NTAN1: variants seen among roughly 807,000 people sequenced by gnomAD.
The protein encoded by NTAN1 is protein N-terminal asparagine amidohydrolase.
Under a neutral mutation model 41.9 loss-of-function variants are expected in NTAN1, and 32 were observed. The ratio of observed to expected loss-of-function variants is 0.76; its 90% CI spans 0.58 to 1.03. The LOEUF (loss-of-function observed/expected upper bound fraction) is 1.03, where lower values mean the gene tolerates loss of function less well. Ranked by LOEUF, NTAN1 falls within the 50% of genes least tolerant of loss-of-function variation. The pLI is 0.00. For missense variants in NTAN1, 377 were observed against 377.5 expected (o/e 1.00, Z 0.01); for synonymous variants, 140 against 139.5 (o/e 1.00, Z -0.03).
intron 1 of NTAN1, 71 bp downstream of exon 1, chr16:15,055,820 A>AG: frequency 3.7e-6 from 3 of 818,378 alleles, no homozygotes; most frequent in South Asian, 6.1e-5. Flanking sequence ...GTGTCGCGTG[A>AG]GGGGGGCGCT....
chr16:15,047,277 C>T, intron 4 of NTAN1, 165 bp downstream of exon 4: 1 of 612,236 alleles, frequency 1.6e-6, no homozygotes, highest in South Asian at 2.0e-5. Flanking sequence ...ATTCACTCAA[C>T]CACTGCTGAC....
At chr16:15,046,281 G>T (rs1458726828) in intron 4 of NTAN1, among the ~76,000 whole-genome samples, 1 of 152,172 alleles carries the variant, frequency 6.6e-6, no homozygotes, top group East Asian at 1.9e-4. Context: ...TAGACTCCTA[G>T]GATTAAGCCT....
At chr16:15,050,605 G>A (rs1402660198) in intron 1 of NTAN1, among the ~76,000 whole-genome samples, 2 of 152,020 alleles carry the variant, frequency 1.3e-5, no homozygotes, top group Admixed American at 6.6e-5. Context: ...GGTGGCATGT[G>A]CCTGTAGTCC....
chr16:15,048,342 C>T (rs569772686), intron 1 of NTAN1, among the ~76,000 whole-genome samples: 4 of 152,230 alleles, frequency 2.6e-5, no homozygotes, highest in South Asian at 2.1e-4. Flanking sequence ...TCATAGTAAC[C>T]TATGAAATGA....
At chr16:15,053,739 C>T (rs891317806) in intron 1 of NTAN1, among the ~76,000 whole-genome samples, 2 of 151,964 alleles carry the variant, frequency 1.3e-5, no homozygotes, top group African/African-American at 4.8e-5. Context: ...GGTGAAAACC[C>T]GTCTCTACTA....
Position 15,046,482 on chromosome 16 carries a change from C to T in NTAN1, c.359+960G>A, listed in dbSNP as rs375929699. 7.9e-5 allele frequency among the ~76,000 whole-genome samples: 12 copies of T among 152,180 alleles called. No individual in the cohort carries two copies. In the East Asian group the frequency reaches 1.5e-3, roughly 20 times the overall value. The stretch of plus-strand genomic sequence containing the variant: ...TCCAGCACATCGAGCCTCAGTTGCC[C>T]GTCTCTGTCAAATGGAGGCAGCGGC... On this transcript the variant is annotated intron_variant, in intron 4 of 9. Coordinates refer to ENST00000287706, the MANE Select transcript of NTAN1 (RefSeq NM_173474.4).
At chr16:15,043,673 G>C (rs1031165381) in intron 5 of NTAN1, among the ~76,000 whole-genome samples, 10 of 152,312 alleles carry the variant, frequency 6.6e-5, no homozygotes, top group Admixed American at 2.0e-4. Context: ...ATTTAGGCCA[G>C]GTGTGGTGAC....
chr16:15,040,743 C>A (rs1175143160), intron 7 of NTAN1, among the ~76,000 whole-genome samples: 1 of 152,100 alleles, frequency 6.6e-6, no homozygotes, highest in Non-Finnish European at 1.5e-5. Context: ...GAAAAGCACG[C>A]CGGGCCTGGG....
intron 1 of NTAN1, among the ~76,000 whole-genome samples, chr16:15,049,462 T>C (rs2044213840): frequency 6.6e-6 from 1 of 151,816 alleles, no homozygotes; most frequent in South Asian, 2.1e-4. Context: ...AGAGTCTCGC[T>C]CTGTTGCCCA....
intron 1 of NTAN1, 94 bp downstream of exon 1, chr16:15,055,797 A>G: frequency 1.5e-6 from 1 of 660,506 alleles, no homozygotes; most frequent in African/African-American, 1.9e-5. Flanking sequence ...CAACAGCGCC[A>G]AGTTTCAAGT....
chr16:15,047,859 G>A lies in NTAN1; in HGVS notation c.246C>T (p.His82=). 1 of 1,611,326 alleles carries A rather than the reference G, an allele frequency of 6.2e-7. No individual in the cohort carries two copies. Among genetic ancestry groups the A allele is most frequent in the Non-Finnish European group, 8.5e-7 (1 of 1,177,422 alleles). ...CCTTCACCTCTCTCATCATACCTGT[G>A]TGCCTCAGGACCACAATGTGACAAG... ...ATTCHIVVLR[H]TGNGATCLTH... The change falls in exon 3 of 10, where the codon CAC becomes CAT. Residue 82 remains histidine, a synonymous_variant. Transcript: ENST00000287706.
At chr16:15,044,166 C>T (rs1204640371) in intron 5 of NTAN1, among the ~76,000 whole-genome samples, 168 bp downstream of exon 5, 5 of 152,196 alleles carry the variant, frequency 3.3e-5, no homozygotes, top group Non-Finnish European at 5.9e-5. Context: ...ATGAGCTCCA[C>T]GCATTCAGTC....
At chr16:15,047,631 G>C in intron 3 of NTAN1, 81 bp from the exon 4 acceptor site, 2 of 1,079,556 alleles carry the variant, frequency 1.9e-6, no homozygotes, top group Non-Finnish European at 1.4e-6. Flanking sequence ...CTGTCCCTCC[G>C]GACCGCCTCA....
At chr16:15,038,961 A>C (rs1233513816) in intron 8 of NTAN1, among the ~76,000 whole-genome samples, 1 of 152,186 alleles carries the variant, frequency 6.6e-6, no homozygotes, top group Non-Finnish European at 1.5e-5. Flanking sequence ...AGGCTCAGAG[A>C]AACAAGGCCC....
intron 7 of NTAN1, 80 bp from the exon 8 acceptor site, chr16:15,040,146 A>G: frequency 1.3e-6 from 1 of 741,156 alleles, no homozygotes; most frequent in Admixed American, 2.2e-5. Context: ...TTCTACCACC[A>G]CTCCTAAGAG....
chr16:15,047,398 G>A (rs757050438), intron 4 of NTAN1, 44 bp downstream of exon 4: 38 of 1,281,430 alleles, frequency 3.0e-5, no homozygotes, highest in Non-Finnish European at 4.2e-5. Flanking sequence ...GTATGCGACG[G>A]TTCCAAGATC....
chr16:15,042,185 CTTTTTT>C (rs34790085), intron 5 of NTAN1, among the ~76,000 whole-genome samples: 1 of 135,576 alleles, frequency 7.4e-6, no homozygotes. Context: ...AATTTTATAT[CTTTTTT>C]TTTTTTTTTT....
In NTAN1 at chr16:15,038,419, G is replaced by C. The variant is rs541159487; in HGVS notation, c.753+155C>G. 4.2e-5 allele frequency: 26 copies of C among 621,800 alleles called. No individual in the cohort carries two copies. In the South Asian group the frequency reaches 5.5e-4, roughly 13 times the overall value. The allele number at this position is 621,800 out of a possible 1,614,324, so 38.5% of individuals were successfully genotyped here. A position where few individuals can be genotyped will look rare whatever the true frequency, so the allele number is the denominator to read the frequency against. Reference sequence around the variant, plus strand: ...TCTAGGACTTGACATATCCCCATTTGATATACAAGTTAAATGGGGTCTGTC... The same window carrying C: ...TCTAGGACTTGACATATCCCCATTTCATATACAAGTTAAATGGGGTCTGTC... On this transcript the variant is annotated intron_variant, in intron 9 of 9. Coordinates refer to ENST00000287706, the MANE Select transcript of NTAN1 (RefSeq NM_173474.4).
At chr16:15,041,743 C>CA (rs971791945) in intron 5 of NTAN1, 67 bp from the exon 6 acceptor site, 1 of 1,179,782 alleles carries the variant, frequency 8.5e-7, no homozygotes, top group Admixed American at 1.7e-5. Context: ...AACTGCTGAG[C>CA]AAGCCAACGA....
Sources: gnomAD v4.1 joint callset for allele counts (sites outside exome capture counted in the v4.1 genomes callset) on GRCh38, gnomAD v4.1.1 for gene constraint, MANE v1.5 for transcripts, NCBI Gene and HGNC (gene_info 2026-07-23, HGNC 2026-07-21) for gene names.